The following PPP2R2B variants were observed in gnomAD, a reference collection of about 807,000 sequenced individuals.
The protein encoded by PPP2R2B is protein phosphatase 2 regulatory subunit Bbeta.
Under a neutral mutation model 46.0 loss-of-function variants are expected in PPP2R2B, and 5 were observed. That is an observed-to-expected ratio of 0.11 (90% CI 0.06 to 0.23). PPP2R2B has a LOEUF of 0.23. Among genes scored for constraint, PPP2R2B ranks in the 10% least tolerant of loss-of-function variants. PPP2R2B has a pLI of 1.00. For synonymous variants in PPP2R2B, 215 were observed against 206.7 expected (o/e 1.04, Z -0.34); for missense variants, 367 against 575.0 (o/e 0.64, Z 3.70).
At chr5:146,927,973 C>T (rs1202192061) in intron 1 of PPP2R2B, among the ~76,000 whole-genome samples, 4 of 152,078 alleles carry the variant, frequency 2.6e-5, no homozygotes, top group African/African-American at 4.8e-5. Context: ...AACTCCTGAC[C>T]TCGTGATCCA....
chr5:147,006,199 T>C lies in PPP2R2B; in HGVS notation c.79+49466A>G, dbSNP rs960321622. 3.3e-5 allele frequency among the ~76,000 whole-genome samples: 5 copies of C among 152,322 alleles called. 1 individual carries two copies. In the South Asian group the frequency reaches 1.0e-3, roughly 32 times the overall value. ...TACTCAATAAGTGATAAGGAAACTCTTGTAGAAGCAGAGTTAGGAAAATTG... is the reference window on the plus strand; with the variant it reads ...TACTCAATAAGTGATAAGGAAACTCCTGTAGAAGCAGAGTTAGGAAAATTG... On this transcript the variant is annotated intron_variant, in intron 1 of 8. Transcript: ENST00000336640.
intron 1 of PPP2R2B, among the ~76,000 whole-genome samples, chr5:146,969,940 A>G (rs1186590969): frequency 1.3e-5 from 2 of 152,204 alleles, no homozygotes; most frequent in African/African-American, 2.4e-5. Flanking sequence ...AGCTCAGGGC[A>G]CATATCTGGG....
chr5:146,684,369 C>T (rs943578096), intron 5 of PPP2R2B, among the ~76,000 whole-genome samples: 3 of 152,180 alleles, frequency 2.0e-5, no homozygotes, highest in Admixed American at 2.0e-4. Flanking sequence ...GCCTGGGGTT[C>T]CCCCTCCTCC....
At chr5:146,968,536 A>G (rs1285849069) in intron 1 of PPP2R2B, among the ~76,000 whole-genome samples, 1 of 152,208 alleles carries the variant, frequency 6.6e-6, no homozygotes, top group South Asian at 2.1e-4. Context: ...ACGAAGATCT[A>G]TGTCAGTGTC....
At chr5:146,969,487 T>A (rs1406729913) in intron 1 of PPP2R2B, among the ~76,000 whole-genome samples, 1 of 152,118 alleles carries the variant, frequency 6.6e-6, no homozygotes, top group African/African-American at 2.4e-5. Flanking sequence ...TACTGACAGT[T>A]TATATAAGTG....
intron 2 of PPP2R2B, among the ~76,000 whole-genome samples, chr5:146,836,386 T>C (rs904470190): frequency 6.6e-6 from 1 of 152,202 alleles, no homozygotes; most frequent in Non-Finnish European, 1.5e-5. Context: ...ATGGCAAGAA[T>C]TGCATTTATT....
chr5:146,966,236 A>G (rs1272830226), intron 1 of PPP2R2B, among the ~76,000 whole-genome samples: 1 of 152,160 alleles, frequency 6.6e-6, no homozygotes, highest in Non-Finnish European at 1.5e-5. Flanking sequence ...GAACACTGCC[A>G]CCTAGTGGAT....
At chr5:147,064,797 A>G (rs997967669) in intron 2 of PPP2R2B, among the ~76,000 whole-genome samples, 3 of 152,214 alleles carry the variant, frequency 2.0e-5, no homozygotes, top group African/African-American at 7.2e-5. Context: ...GAAAAATAGC[A>G]GCTCTATTCC....
At chr5:146,938,002 T>C (rs1452580012) in intron 1 of PPP2R2B, among the ~76,000 whole-genome samples, 5 of 152,174 alleles carry the variant, frequency 3.3e-5, no homozygotes, top group Non-Finnish European at 4.4e-5. Context: ...TTACATACTT[T>C]GAGCACTCTG....
intron 1 of PPP2R2B, among the ~76,000 whole-genome samples, chr5:146,988,269 C>T (rs1321459227): frequency 4.6e-5 from 7 of 152,042 alleles, no homozygotes; most frequent in African/African-American, 1.7e-4. Context: ...ACCAAATAGA[C>T]TTAACAGATA....
At chr5:147,018,320 C>T (rs1337188477) in intron 1 of PPP2R2B, among the ~76,000 whole-genome samples, 2 of 152,028 alleles carry the variant, frequency 1.3e-5, no homozygotes, top group African/African-American at 2.4e-5. Flanking sequence ...GACATAGCCA[C>T]CATGAAAGGC....
At chr5:146,631,100 C>A (rs1173216595) in intron 7 of PPP2R2B, among the ~76,000 whole-genome samples, 1 of 152,164 alleles carries the variant, frequency 6.6e-6, no homozygotes, top group Non-Finnish European at 1.5e-5. Context: ...CTGGGCTGTG[C>A]TTACAGGGAA....
intron 2 of PPP2R2B, among the ~76,000 whole-genome samples, chr5:146,841,156 T>C (rs954072888): frequency 2.0e-5 from 3 of 152,062 alleles, no homozygotes; most frequent in Non-Finnish European, 4.4e-5. Flanking sequence ...TGCATAAAGA[T>C]CAAATGCACC....
At chr5:146,609,100 G>A (rs565638726) in intron 7 of PPP2R2B, among the ~76,000 whole-genome samples, 5 of 152,144 alleles carry the variant, frequency 3.3e-5, no homozygotes, top group African/African-American at 1.2e-4. Flanking sequence ...TTTATCCCAG[G>A]GATGCAAGAC....
At chr5:146,829,181 C>T (rs540626674) in intron 2 of PPP2R2B, among the ~76,000 whole-genome samples, 3 of 152,260 alleles carry the variant, frequency 2.0e-5, no homozygotes, top group Admixed American at 2.0e-4. Context: ...AATGTCATTA[C>T]ATTAATGAAT....
At chr5:146,981,157 G>T (rs932993680) in intron 1 of PPP2R2B, among the ~76,000 whole-genome samples, 28 of 152,034 alleles carry the variant, frequency 1.8e-4, no homozygotes, top group African/African-American at 6.5e-4. Context: ...ATAGTACCTG[G>T]CACATAGCAG....
At position 146,986,955 on chromosome 5, in the gene PPP2R2B, A is replaced by G. The variant is rs73310863; in HGVS notation, c.79+68710T>C. ...AACTCAAACAAGACTATCTTAAGGCATATAATAAACTCTCAAATGTCAAAA... is the reference window on the plus strand; with the variant it reads ...AACTCAAACAAGACTATCTTAAGGCGTATAATAAACTCTCAAATGTCAAAA... On this transcript the variant is annotated intron_variant, in intron 1 of 8. Transcript: ENST00000336640. 5.0e-3 allele frequency among the ~76,000 whole-genome samples: 765 copies of G among 152,300 alleles called. 6 individuals are homozygous for G. Among genetic ancestry groups the G allele is most frequent in the African/African-American group, 0.017 (725 of 41,584 alleles).
chr5:146,810,278 A>G (rs1341307488), intron 2 of PPP2R2B, among the ~76,000 whole-genome samples: 1 of 152,334 alleles, frequency 6.6e-6, no homozygotes, highest in African/African-American at 2.4e-5. Flanking sequence ...CCTCACAATC[A>G]TGGTGGAAGG....
chr5:146,856,380 T>C, intron 2 of PPP2R2B: 2 of 742,454 alleles, frequency 2.7e-6, no homozygotes, highest in Non-Finnish European at 4.4e-6. Flanking sequence ...ACTGGAACTA[T>C]TTAAAAAATG....
Sources: gnomAD v4.1 joint callset for allele counts (sites outside exome capture counted in the v4.1 genomes callset) on GRCh38, gnomAD v4.1.1 for gene constraint, MANE v1.5 for transcripts, NCBI Gene and HGNC (gene_info 2026-07-23, HGNC 2026-07-21) for gene names.